The following NEDD4 variants were observed in gnomAD, a reference collection of about 807,000 sequenced individuals.
NEDD4 encodes NEDD4 E3 ubiquitin protein ligase.
In NEDD4, 99 loss-of-function variants were observed where a neutral mutation model predicts 144.9. That is an observed-to-expected ratio of 0.68 (90% CI 0.58 to 0.81). The LOEUF is 0.81. Among genes scored for constraint, NEDD4 ranks in the 30% least tolerant of loss-of-function variants. NEDD4 has a pLI of 0.00. For synonymous variants in NEDD4, 318 were observed against 350.6 expected, an observed-to-expected ratio of 0.91 and a Z score of 1.04; for missense variants, 985 against 1,065.9, an observed-to-expected ratio of 0.92 and a Z score of 1.06.
rs573662353 is a variant in NEDD4, at chr15:55,859,234, T to C, written c.960+1173A>G. ...ATGATACATATTAGACAGCTAGCTA[T>C]GAAGTTCTCATCGTGGAAGCATATG... On this transcript the variant is annotated intron_variant, in intron 11 of 28. Coordinates refer to ENST00000435532, the MANE Select transcript of NEDD4 (RefSeq NM_006154.4). Among the ~76,000 whole-genome samples, 15 of 152,338 alleles carry C rather than the reference T, an allele frequency of 9.8e-5. No homozygotes were observed. The South Asian group carries it at 1.7e-3, about 17-fold the overall frequency.
intron 13 of NEDD4, 51 bp from the exon 14 acceptor site, chr15:55,850,793 A>G (rs1817598427): frequency 6.6e-7 from 1 of 1,509,970 alleles, no homozygotes; most frequent in South Asian, 1.2e-5. Flanking sequence ...AGAACTCACA[A>G]ATAGATGTAG....
At chr15:55,870,943 G>C (rs1463394684) in intron 7 of NEDD4, among the ~76,000 whole-genome samples, 1 of 152,086 alleles carries the variant, frequency 6.6e-6, no homozygotes, top group Non-Finnish European at 1.5e-5. Flanking sequence ...ATTTTTTACA[G>C]ATATCAGATA....
At chr15:55,951,346 C>T (rs1214766579) in intron 4 of NEDD4, 30 bp downstream of exon 4, 2 of 833,840 alleles carry the variant, frequency 2.4e-6, no homozygotes, top group Non-Finnish European at 3.6e-6. Context: ...CTTACTTTTT[C>T]CACTTTAGTA....
intron 5 of NEDD4, among the ~76,000 whole-genome samples, chr15:55,896,179 A>G (rs541946934): frequency 2.6e-5 from 4 of 151,980 alleles, no homozygotes; most frequent in African/African-American, 7.2e-5. Context: ...CATTTTATTC[A>G]CTTTTGTCTT....
Position 55,869,584 on chromosome 15 carries a change from A to T in NEDD4, c.502T>A (p.Leu168Ile). 6.4e-7 allele frequency: 1 copy of T among 1,566,198 alleles called. No homozygotes were observed. Among genetic ancestry groups the T allele is most frequent in the Non-Finnish European group, 8.7e-7 (1 of 1,153,354 alleles). The change falls in exon 8 of 29, where the codon TTA (leucine) becomes ATA (isoleucine). Residue 168 changes from leucine to isoleucine, a missense_variant. Leu to Ile is a conservative substitution (Grantham distance 5, BLOSUM62 2). Transcript: ENST00000435532. ...EDDNAEQAEE[L>I]EPGWVVLDQP... is the part of the protein sequence containing the mutation. ...AAATATTTATAAAATCTCACCTCTAATTCCTCAGCCTGTTCTGCATTATCA... is the reference window on the plus strand; with the variant it reads ...AAATATTTATAAAATCTCACCTCTATTTCCTCAGCCTGTTCTGCATTATCA...
At chr15:55,908,890 T>TA (rs1372638785) in intron 5 of NEDD4, among the ~76,000 whole-genome samples, 1 of 152,068 alleles carries the variant, frequency 6.6e-6, no homozygotes, top group Non-Finnish European at 1.5e-5. Flanking sequence ...ACAATTGAGA[T>TA]AAAAAGTAAA....
In NEDD4 at chr15:55,991,659, A is replaced by T. The variant is rs146482959; in HGVS notation, c.45+1852T>A. Among the ~76,000 whole-genome samples, 717 of 152,334 alleles carry T rather than the reference A, an allele frequency of 4.7e-3. 4 individuals carry two copies. The highest frequency in any genetic ancestry group is 0.016 in the African/African-American group (675 of 41,592). The stretch of plus-strand genomic sequence containing the variant: ...TAGAGTCATGGAACTGACAGCCAGA[A>T]CTCCCAGAATGTGAATGGGATAGGC... On this transcript the variant is annotated intron_variant, in intron 1 of 28. Coordinates refer to ENST00000435532, the MANE Select transcript of NEDD4 (RefSeq NM_006154.4).
intron 5 of NEDD4, among the ~76,000 whole-genome samples, chr15:55,898,667 T>C (rs1249026214): frequency 6.7e-6 from 1 of 150,154 alleles, no homozygotes; most frequent in Non-Finnish European, 1.5e-5. Flanking sequence ...GACAAGGTCT[T>C]ACTTTGTTGC....
intron 11 of NEDD4, among the ~76,000 whole-genome samples, chr15:55,857,904 C>A (rs937626680): frequency 2.6e-5 from 4 of 152,106 alleles, no homozygotes; most frequent in African/African-American, 9.7e-5. Flanking sequence ...CATGCTACTG[C>A]ACTCCAGCCT....
At chr15:55,903,621 G>C (rs546733657) in intron 5 of NEDD4, among the ~76,000 whole-genome samples, 6 of 150,706 alleles carry the variant, frequency 4.0e-5, no homozygotes, top group African/African-American at 1.5e-4. Context: ...TCAGGAGATC[G>C]AGACCATCCT....
chr15:55,872,814 GT>G (rs1245009274), intron 6 of NEDD4, among the ~76,000 whole-genome samples: 1 of 151,806 alleles, frequency 6.6e-6, no homozygotes, highest in African/African-American at 2.4e-5. Flanking sequence ...GGCTGGCTTG[GT>G]TAGAGCATAG....
intron 1 of NEDD4, among the ~76,000 whole-genome samples, chr15:55,979,264 C>T (rs2037757159): frequency 6.7e-6 from 1 of 149,516 alleles, no homozygotes. Context: ...ACTGTAAAAG[C>T]ACACACAGAA....
chr15:55,874,974 A>C (rs529653311), intron 5 of NEDD4, among the ~76,000 whole-genome samples: 6 of 124,090 alleles, frequency 4.8e-5, no homozygotes, highest in African/African-American at 1.1e-4. Flanking sequence ...ACTCCGCTCA[A>C]AAAGAAAAAA....
At position 55,969,458 on chromosome 15, in the gene NEDD4, C is replaced by T. The variant is rs1202266769; in HGVS notation, c.46-2912G>A. ...TGAACCAGTGAGACACCAGACGGGG[C>T]GGCCAAGGGTGTGCTTGTGTCACCC... is the stretch of plus-strand genomic sequence containing the variant. On this transcript the variant is annotated intron_variant, in intron 1 of 28. Transcript: ENST00000435532. Among the ~76,000 whole-genome samples the T allele has an allele frequency of 3.3e-5, 5 of 152,220 alleles. No individual in the cohort carries two copies. The East Asian group carries it at 7.7e-4, about 24-fold the overall frequency.
At position 55,840,206 on chromosome 15, in the gene NEDD4, T is replaced by C. The variant is rs542340061; in HGVS notation, c.2031+241A>G. ...GATGGATAGACAGATAGGTATGTGA[T>C]AAAGTAAATCTAGAAAAAAAGCAAT... On this transcript the variant is annotated intron_variant, in intron 21 of 28. Transcript: ENST00000435532. Among the ~76,000 whole-genome samples the C allele has an allele frequency of 1.3e-3, 198 of 151,366 alleles. 1 individual carries two copies. Among genetic ancestry groups the C allele is most frequent in the Non-Finnish European group, 2.4e-3 (164 of 67,868 alleles).
In NEDD4 at chr15:55,840,276, C is replaced by T. The variant is rs575994861; in HGVS notation, c.2031+171G>A. ...ACTGTCCAATGTAAAATTCTTCCAA[C>T]TTTATTATATGTTAGAAAATTTTCA... On this transcript the variant is annotated intron_variant, in intron 21 of 28. Transcript: ENST00000435532. Among the ~76,000 whole-genome samples the T allele has an allele frequency of 2.6e-5, 4 of 151,654 alleles. 1 individual carries two copies. The highest frequency in any genetic ancestry group is 5.9e-5 in the Non-Finnish European group (4 of 67,928).
At chr15:55,858,206 T>C (rs1302475363) in intron 11 of NEDD4, among the ~76,000 whole-genome samples, 3 of 152,120 alleles carry the variant, frequency 2.0e-5, no homozygotes, top group African/African-American at 7.2e-5. Flanking sequence ...CTGCATAGTA[T>C]TACACTATAT....
Position 55,850,745 on chromosome 15 carries a change from A to C in NEDD4, c.1147-3T>G, listed in dbSNP as rs781589067. 1.2e-6 allele frequency: 2 copies of C among 1,610,470 alleles called. No homozygotes were observed. The highest frequency in any genetic ancestry group is 1.7e-6 in the Non-Finnish European group (2 of 1,178,970). ...AGCTGACTGGTCTCCACTGTGGCCT[A>C]GCACATTAATGAAATCATATTGTAA... On this transcript the variant is annotated splice_region_variant and splice_polypyrimidine_tract_variant and intron_variant, in intron 13 of 28. Transcript: ENST00000435532.
chr15:55,890,714 AAAATCT>A (rs2035544056), intron 5 of NEDD4, among the ~76,000 whole-genome samples: 1 of 152,204 alleles, frequency 6.6e-6, no homozygotes. Flanking sequence ...GAATTTGCTA[AAAATCT>A]GCCAGACCGT....
Sources: gnomAD v4.1 joint callset for allele counts (sites outside exome capture counted in the v4.1 genomes callset) on GRCh38, gnomAD v4.1.1 for gene constraint, MANE v1.5 for transcripts, NCBI Gene and HGNC (gene_info 2026-07-23, HGNC 2026-07-21) for gene names.